Variants in HAPLN1 observed in about 807,000 individuals in gnomAD.
The protein encoded by HAPLN1 is Cartilage link protein.
A neutral mutation model predicts 36.5 loss-of-function variants in HAPLN1; 13 were observed. The ratio of observed to expected loss-of-function variants is 0.36; its 90% CI spans 0.23 to 0.57. HAPLN1 has a LOEUF of 0.57. HAPLN1 is among the 20% of genes least tolerant of loss of function. HAPLN1 has a pLI of 0.83. For missense variants in HAPLN1, 407 were observed against 439.7 expected (o/e 0.93, Z 0.66); for synonymous variants, 202 against 169.8 (o/e 1.19, Z -1.48).
At chr5:83,648,476 G>GAT (rs1425041164) in intron 3 of HAPLN1, among the ~76,000 whole-genome samples, 43 of 118,494 alleles carry the variant, frequency 3.6e-4, no homozygotes, top group African/African-American at 1.4e-3. Flanking sequence ...ATGTAGTTTG[G>GAT]ATATATATAT....
intron 1 of HAPLN1, among the ~76,000 whole-genome samples, chr5:83,707,884 C>A (rs888954270): frequency 2.0e-5 from 3 of 152,076 alleles, no homozygotes; most frequent in Non-Finnish European, 4.4e-5. Context: ...ACAACCAATC[C>A]CATTTAAAAG....
chr5:83,702,912 A>G (rs1190239515), intron 1 of HAPLN1, among the ~76,000 whole-genome samples: 8 of 152,124 alleles, frequency 5.3e-5, no homozygotes, highest in Admixed American at 3.3e-4. Flanking sequence ...GGGTTTTGCC[A>G]TGTTGGCCAG....
intron 3 of HAPLN1, among the ~76,000 whole-genome samples, chr5:83,651,420 AACTT>A (rs1351166601): frequency 6.6e-6 from 1 of 152,190 alleles, no homozygotes; most frequent in African/African-American, 2.4e-5. Context: ...AATCAATAAA[AACTT>A]AAAGCAAAAG....
At chr5:83,694,466 G>T (rs1046330962) in intron 1 of HAPLN1, among the ~76,000 whole-genome samples, 1 of 151,778 alleles carries the variant, frequency 6.6e-6, no homozygotes, top group African/African-American at 2.4e-5. Flanking sequence ...ACAAAAGATG[G>T]TTCTTTGAAA....
At position 83,652,461 on chromosome 5, in the gene HAPLN1, T is replaced by A; in HGVS notation, c.464A>T (p.Asp155Val). ...LEDDTVVVAL[D>V]LQGVVFPYFP... Reference sequence around the variant, plus strand: ...GACTTATAGATACATACCTTGTAAGTCCAGTGCTACCACAACAGTATCATC... The same window carrying A: ...GACTTATAGATACATACCTTGTAAGACCAGTGCTACCACAACAGTATCATC... The change falls in exon 3 of 5, where the codon GAC becomes GTC. Residue 155 changes from aspartate (D) to valine (V), a missense_variant. Physicochemically the swap from Asp to Val is radical, Grantham distance 152. Transcript: ENST00000274341. 6.2e-7 allele frequency: 1 copy of A among 1,612,784 alleles called. No individual in the cohort carries two copies. The highest frequency in any genetic ancestry group is 1.1e-5 in the South Asian group (1 of 90,814).
chr5:83,664,710 A>T, intron 2 of HAPLN1, among the ~76,000 whole-genome samples: 1 of 152,266 alleles, frequency 6.6e-6, no homozygotes, highest in East Asian at 1.9e-4. Flanking sequence ...TATTATTTAT[A>T]TGTAATTTTG....
chr5:83,667,682 C>T (rs931449078), intron 2 of HAPLN1, among the ~76,000 whole-genome samples: 4 of 152,058 alleles, frequency 2.6e-5, no homozygotes, highest in African/African-American at 9.7e-5. Flanking sequence ...TCCAGTTCTC[C>T]CATTAAACTT....
intron 4 of HAPLN1, among the ~76,000 whole-genome samples, chr5:83,642,250 C>T (rs1749723731): frequency 6.6e-6 from 1 of 152,118 alleles, no homozygotes; most frequent in Non-Finnish European, 1.5e-5. Context: ...ATCAAAAGCC[C>T]TCAAGTCCTT....
At chr5:83,683,233 C>T (rs983225067) in intron 1 of HAPLN1, among the ~76,000 whole-genome samples, 4 of 152,158 alleles carry the variant, frequency 2.6e-5, no homozygotes, top group Non-Finnish European at 2.9e-5. Flanking sequence ...GTCTCTCTCA[C>T]AGATCCTCCC....
intron 1 of HAPLN1, among the ~76,000 whole-genome samples, chr5:83,707,698 C>T (rs2112635504): frequency 6.6e-6 from 1 of 152,232 alleles, no homozygotes; most frequent in East Asian, 1.9e-4. Context: ...ACAAAGACAC[C>T]AAAAGCAATC....
chr5:83,693,164 A>G (rs938061955), intron 1 of HAPLN1, among the ~76,000 whole-genome samples: 8 of 151,826 alleles, frequency 5.3e-5, no homozygotes, highest in Non-Finnish European at 1.2e-4. Context: ...GTTTTACTAT[A>G]CTCACCTCTT....
intron 1 of HAPLN1, among the ~76,000 whole-genome samples, chr5:83,703,968 G>GA (rs948868528): frequency 3.9e-4 from 58 of 149,418 alleles, no homozygotes; most frequent in Non-Finnish European, 5.7e-4. Context: ...AGATTAAAAT[G>GA]AAAAAAAAAG....
At chr5:83,705,232 A>T (rs1751611452) in intron 1 of HAPLN1, among the ~76,000 whole-genome samples, 1 of 152,012 alleles carries the variant, frequency 6.6e-6, no homozygotes, top group Non-Finnish European at 1.5e-5. Context: ...TCTGTTAAAA[A>T]TACAAAAATT....
intron 1 of HAPLN1, among the ~76,000 whole-genome samples, chr5:83,703,878 A>C (rs964190414): frequency 1.3e-5 from 2 of 151,982 alleles, no homozygotes; most frequent in Admixed American, 6.5e-5. Flanking sequence ...GCCATAGTTG[A>C]CTTCAGGAAA....
intron 1 of HAPLN1, among the ~76,000 whole-genome samples, chr5:83,702,470 C>G (rs1751530611): frequency 6.6e-6 from 1 of 152,096 alleles, no homozygotes; most frequent in Non-Finnish European, 1.5e-5. Context: ...AACTGAGTCC[C>G]CACTAAAATT....
intron 1 of HAPLN1, among the ~76,000 whole-genome samples, chr5:83,702,918 G>T (rs1375980946): frequency 6.6e-6 from 1 of 152,108 alleles, no homozygotes; most frequent in Non-Finnish European, 1.5e-5. Flanking sequence ...TGCCATGTTG[G>T]CCAGGCTGGT....
At chr5:83,706,294 G>C (rs547801222) in intron 1 of HAPLN1, among the ~76,000 whole-genome samples, 1 of 152,160 alleles carries the variant, frequency 6.6e-6, no homozygotes, top group African/African-American at 2.4e-5. Context: ...AAAACTTCAA[G>C]CCAATATCCT....
At chr5:83,652,872 T>C in intron 2 of HAPLN1, 48 bp from the exon 3 acceptor site, 1 of 1,440,576 alleles carries the variant, frequency 6.9e-7, no homozygotes, top group Non-Finnish European at 9.3e-7. Flanking sequence ...TAATATACTT[T>C]CAGACATTTT....
At position 83,644,757 on chromosome 5, in the gene HAPLN1, C is replaced by T. The variant is rs181410450; in HGVS notation, c.473-92G>A. On this transcript the variant is annotated intron_variant, in intron 3 of 4. Coordinates refer to ENST00000274341, the MANE Select transcript of HAPLN1 (RefSeq NM_001884.4). ...CTAGTTGGTGAAAAACCTAACAGAC[C>T]CTCCATCAGATGAGACAGTAGTTTT... is the stretch of plus-strand genomic sequence containing the variant. The T allele has an allele frequency of 6.3e-4, 572 of 914,360 alleles. 1 individual carries two copies. In the African/African-American group the frequency reaches 8.6e-3, roughly 14 times the overall value. The allele number at this position is 914,360 out of a possible 1,614,324, so 56.6% of individuals were successfully genotyped here.
Sources: allele counts gnomAD v4.1 joint callset (sites outside exome capture counted in the v4.1 genomes callset), GRCh38; gene constraint gnomAD v4.1.1; transcripts MANE v1.5; gene names NCBI Gene and HGNC (gene_info 2026-07-23, HGNC 2026-07-21).